The following LBP variants were observed in gnomAD, a reference collection of about 807,000 sequenced individuals.
LBP encodes lipopolysaccharide-binding protein.
Under a neutral mutation model 56.6 loss-of-function variants are expected in LBP, and 53 were observed. The ratio of observed to expected loss-of-function variants is 0.94; its 90% CI spans 0.75 to 1.18. The LOEUF is 1.18. LBP is among the 50% of genes most tolerant of loss of function. The pLI, the probability that LBP is intolerant of heterozygous loss-of-function variation, is 0.00. For missense variants in LBP, 601 were observed against 598.3 expected, an observed-to-expected ratio of 1.00 and a Z score of -0.05; for synonymous variants, 227 against 247.5, an observed-to-expected ratio of 0.92 and a Z score of 0.78.
intron 12 of LBP, 141 bp from the exon 13 acceptor site, chr20:38,372,931 C>G (rs985759608): frequency 4.3e-6 from 3 of 695,234 alleles, no homozygotes; most frequent in Admixed American, 2.7e-5. Context: ...AAATGTTCAT[C>G]TCAAAAGAGT....
intron 13 of LBP, 90 bp from the exon 14 acceptor site, chr20:38,373,847 T>C (rs2076908878): frequency 2.7e-6 from 3 of 1,092,094 alleles, no homozygotes; most frequent in Non-Finnish European, 4.2e-6. Context: ...ATACTGAATA[T>C]AGAGTTTGCA....
chr20:38,363,601 T>C lies in LBP; in HGVS notation c.653-374T>C, dbSNP rs571326529. On this transcript the variant is annotated intron_variant, in intron 6 of 14. Transcript: ENST00000217407. The stretch of plus-strand genomic sequence containing the variant: ...CTTGGAACATTCATCCATTCAGGGT[T>C]TTGGAGGGGAGTGTCTGGGCCCTCT... 2.0e-5 allele frequency among the ~76,000 whole-genome samples: 3 copies of C among 152,258 alleles called. No individual in the cohort carries two copies. The South Asian group carries it at 6.2e-4, about 32-fold the overall frequency.
At position 38,376,930 on chromosome 20, in the gene LBP, A is replaced by AT. The variant is rs546119470; in HGVS notation, c.*268dup. The AT allele has an allele frequency of 2.7e-5, 17 of 629,676 alleles. No individual in the cohort carries two copies. The African/African-American group carries it at 2.9e-4, about 11-fold the overall frequency. 39.0% of individuals were successfully genotyped at this position (629,676 alleles called of 1,614,324 possible). A position where few individuals can be genotyped will look rare whatever the true frequency, so the allele number is the denominator to read the frequency against. ...GGATATCTTTACAAGCAGGCACTGT[A>AT]TTTTTTTATTCGCCATCTGATCCCC... On this transcript the variant is annotated 3_prime_UTR_variant, in exon 15 of 15. Coordinates refer to ENST00000217407, the MANE Select transcript of LBP (RefSeq NM_004139.5).
At chr20:38,360,825 T>G in intron 6 of LBP, 58 bp downstream of exon 6, 1 of 1,266,268 alleles carries the variant, frequency 7.9e-7, no homozygotes. Flanking sequence ...TATAAGAGCA[T>G]ATATATATCT....
rs992831945 is a variant in LBP, at chr20:38,363,865, G to A, written c.653-110G>A. The A allele has an allele frequency of 3.9e-6, 3 of 765,562 alleles. No homozygotes were observed. In the African/African-American group the frequency reaches 5.1e-5, roughly 13 times the overall value. The allele number at this position is 765,562 out of a possible 1,614,324, so 47.4% of individuals were successfully genotyped here. On this transcript the variant is annotated intron_variant, in intron 6 of 14. Transcript: ENST00000217407. ...TTTGCCTCAGGGCCGGGCTAGTAGG[G>A]GGATTCTGAAGAAAGTCACAGGGAA...
intron 13 of LBP, among the ~76,000 whole-genome samples, 153 bp downstream of exon 13, chr20:38,373,288 A>G (rs1378681578): frequency 6.6e-6 from 1 of 152,072 alleles, no homozygotes; most frequent in Non-Finnish European, 1.5e-5. Flanking sequence ...GTGACATGGG[A>G]TCGTTGAAGT....
Position 38,376,680 on chromosome 20 carries a change from G to C in LBP, c.*11G>C. On this transcript the variant is annotated 3_prime_UTR_variant, in exon 15 of 15. Coordinates refer to ENST00000217407, the MANE Select transcript of LBP (RefSeq NM_004139.5). ...TACATGAGAGTTTGAGGACAAGAAA[G>C]ATGAAGCTTGGAGGTCACAGCTGGA... is the stretch of plus-strand genomic sequence containing the variant. 2 of 1,612,808 alleles carry C rather than the reference G, an allele frequency of 1.2e-6. No homozygotes were observed. The highest frequency in any genetic ancestry group is 1.7e-6 in the Non-Finnish European group (2 of 1,178,782).
At chr20:38,360,428 C>A (rs528067145) in intron 5 of LBP, among the ~76,000 whole-genome samples, 46 of 152,242 alleles carry the variant, frequency 3.0e-4, no homozygotes, top group African/African-American at 1.1e-3. Context: ...CAGCCAGTGC[C>A]CCCTCCTCAG....
intron 13 of LBP, 122 bp from the exon 14 acceptor site, chr20:38,373,815 T>C (rs1380896714): frequency 3.5e-6 from 3 of 851,120 alleles, no homozygotes; most frequent in Non-Finnish European, 5.7e-6. Context: ...CCTCATAGTC[T>C]TGGAAATCAC....
intron 8 of LBP, 93 bp downstream of exon 8, chr20:38,364,845 A>G (rs1390120170): frequency 1.8e-6 from 2 of 1,132,468 alleles, no homozygotes; most frequent in Non-Finnish European, 2.5e-6. Context: ...TCAGTCAAAT[A>G]GTGAGTTATA....
At chr20:38,370,931 T>C (rs959074436) in intron 11 of LBP, 126 bp downstream of exon 11, 4 of 805,426 alleles carry the variant, frequency 5.0e-6, no homozygotes, top group South Asian at 1.5e-5. Flanking sequence ...TTCACCCCAA[T>C]TGGCCCAATT....
intron 3 of LBP, 40 bp from the exon 4 acceptor site, chr20:38,354,244 T>G (rs1170882395): frequency 1.3e-6 from 2 of 1,574,034 alleles, no homozygotes; most frequent in African/African-American, 2.7e-5. Flanking sequence ...GGCAGACCCC[T>G]GGTCTAGGAA....
intron 14 of LBP, among the ~76,000 whole-genome samples, chr20:38,375,204 T>G (rs1022394366): frequency 6.6e-6 from 1 of 152,042 alleles, no homozygotes; most frequent in Non-Finnish European, 1.5e-5. Flanking sequence ...GGTTTTTTTT[T>G]TTAAGTTTGT....
In LBP at chr20:38,371,314, C is replaced by G. The variant is rs1966030836; in HGVS notation, c.1252C>G (p.Leu418Val). Reference sequence around the variant, plus strand: ...GGAACTGAAAGAATCCAAAGTTGGACTATTCAATGTAAGTTGTTTTTATTG... The same window carrying G: ...GGAACTGAAAGAATCCAAAGTTGGAGTATTCAATGTAAGTTGTTTTTATTG... ...KVELKESKVGLFNAELLEALL... is the reference protein window; with the variant it reads ...KVELKESKVGVFNAELLEALL... The change falls in exon 12 of 15, where the codon CTA (leucine) becomes GTA (valine). Residue 418 changes from leucine to valine, a missense_variant. Coordinates refer to ENST00000217407, the MANE Select transcript of LBP (RefSeq NM_004139.5). 7.5e-6 allele frequency: 12 copies of G among 1,606,280 alleles called. No individual in the cohort carries two copies. The highest frequency in any genetic ancestry group is 3.3e-4 in the Middle Eastern group (2 of 6,062).
intron 9 of LBP, 36 bp downstream of exon 9, chr20:38,366,864 G>C (rs781302486): frequency 6.4e-7 from 1 of 1,564,988 alleles, no homozygotes; most frequent in Admixed American, 1.7e-5. Flanking sequence ...AGTGCAGACC[G>C]AGCCTACTAG....
At chr20:38,350,787 C>T (rs769041544) in intron 2 of LBP, 24 bp from the exon 3 acceptor site, 2 of 1,591,738 alleles carry the variant, frequency 1.3e-6, no homozygotes, top group Non-Finnish European at 1.7e-6. Context: ...GGGCTGACAC[C>T]TCCTTCCATG....
intron 8 of LBP, among the ~76,000 whole-genome samples, chr20:38,365,530 C>T (rs1025146044): frequency 3.3e-5 from 5 of 151,470 alleles, no homozygotes; most frequent in Admixed American, 6.6e-5. Context: ...AACCTCATCT[C>T]TACTAAAAAT....
At chr20:38,368,856 G>C (rs2076891540) in intron 9 of LBP, 139 bp from the exon 10 acceptor site, 1 of 809,692 alleles carries the variant, frequency 1.2e-6, no homozygotes, top group South Asian at 1.7e-5. Flanking sequence ...TTTGCCACTA[G>C]GAGAAAAAGG....
intron 10 of LBP, among the ~76,000 whole-genome samples, chr20:38,369,992 G>C (rs1315137368): frequency 6.6e-6 from 1 of 151,994 alleles, no homozygotes; most frequent in Non-Finnish European, 1.5e-5. Context: ...ATCTCTACCA[G>C]GGTAATTCTT....
Sources: allele counts gnomAD v4.1 joint callset (sites outside exome capture counted in the v4.1 genomes callset), GRCh38; gene constraint gnomAD v4.1.1; transcripts MANE v1.5; gene names NCBI Gene and HGNC (gene_info 2026-07-23, HGNC 2026-07-21).